The following SLC25A21 variants were observed in gnomAD, a reference collection of about 807,000 sequenced individuals.
SLC25A21 encodes mitochondrial 2-oxodicarboxylate carrier.
A neutral mutation model predicts 43.8 loss-of-function variants in SLC25A21; 47 were observed. The ratio of observed to expected loss-of-function variants is 1.07; its 90% CI spans 0.85 to 1.37. The LOEUF is 1.37. SLC25A21 is among the 40% of genes most tolerant of loss of function. The pLI, the probability that SLC25A21 is intolerant of heterozygous loss-of-function variation, is 0.00. For missense variants in SLC25A21, 352 were observed against 350.2 expected (o/e 1.00, Z -0.04); for synonymous variants, 131 against 121.3 (o/e 1.08, Z -0.52).
At chr14:36,848,238 A>G (rs556726634) in intron 2 of SLC25A21, among the ~76,000 whole-genome samples, 1 of 152,346 alleles carries the variant, frequency 6.6e-6, no homozygotes, top group Admixed American at 6.5e-5. Context: ...GAACCTATTC[A>G]TAAGGCACAA....
At chr14:36,849,870 T>C (rs1166651156) in intron 2 of SLC25A21, among the ~76,000 whole-genome samples, 3 of 152,186 alleles carry the variant, frequency 2.0e-5, no homozygotes, top group Non-Finnish European at 4.4e-5. Context: ...TTTACTTACT[T>C]TTAGTTACTC....
chr14:37,013,727 C>T (rs1960784244), intron 1 of SLC25A21, among the ~76,000 whole-genome samples: 1 of 152,070 alleles, frequency 6.6e-6, no homozygotes, highest in South Asian at 2.1e-4. Context: ...GGTGAGTAGG[C>T]CAGCGTTTAT....
intron 3 of SLC25A21, among the ~76,000 whole-genome samples, chr14:36,809,321 T>C (rs1888151636): frequency 1.3e-5 from 2 of 152,206 alleles, no homozygotes; most frequent in African/African-American, 4.8e-5. Flanking sequence ...AGTTCTCTCT[T>C]CTGTGTTACA....
chr14:36,731,082 C>T (rs1316418092), intron 4 of SLC25A21, among the ~76,000 whole-genome samples: 1 of 151,680 alleles, frequency 6.6e-6, no homozygotes, highest in Non-Finnish European at 1.5e-5. Flanking sequence ...ACGCCATTCT[C>T]CTGCCTCAGC....
chr14:36,855,146 T>C (rs1889860930), intron 2 of SLC25A21, among the ~76,000 whole-genome samples: 1 of 152,022 alleles, frequency 6.6e-6, no homozygotes. Flanking sequence ...TGGCATGCCA[T>C]GGCTTGGTAG....
At chr14:37,002,508 G>C (rs1286734283) in intron 1 of SLC25A21, among the ~76,000 whole-genome samples, 1 of 152,130 alleles carries the variant, frequency 6.6e-6, no homozygotes, top group Non-Finnish European at 1.5e-5. Context: ...TAAAGAAGGA[G>C]CACACGTTCT....
rs369985113 is a variant in SLC25A21 at position 36,967,917 on chromosome 14, A to G, written c.71-92913T>C. 2.0e-5 allele frequency among the ~76,000 whole-genome samples: 3 copies of G among 152,170 alleles called. No individual in the cohort carries two copies. In the East Asian group the frequency reaches 5.8e-4, roughly 29 times the overall value. ...AGAATGTGAAAAAGACATCCATCAA[A>G]TGGTCACCCAAACGAGTGCCACAAA... On this transcript the variant is annotated intron_variant, in intron 1 of 9. Coordinates refer to ENST00000331299, the MANE Select transcript of SLC25A21 (RefSeq NM_030631.4).
At chr14:37,113,779 G>C (rs902522256) in intron 1 of SLC25A21, among the ~76,000 whole-genome samples, 1 of 150,948 alleles carries the variant, frequency 6.6e-6, no homozygotes, top group African/African-American at 2.4e-5. Flanking sequence ...ACTTGAACCC[G>C]GGAGGTGGAG....
chr14:36,777,910 C>T (rs1475057254), intron 3 of SLC25A21, among the ~76,000 whole-genome samples: 2 of 152,220 alleles, frequency 1.3e-5, no homozygotes, highest in Non-Finnish European at 2.9e-5. Context: ...TCTATACTCA[C>T]TATACTGTCT....
intron 1 of SLC25A21, among the ~76,000 whole-genome samples, chr14:36,884,861 T>C (rs1890868542): frequency 6.6e-6 from 1 of 152,162 alleles, no homozygotes; most frequent in African/African-American, 2.4e-5. Flanking sequence ...CTTATATATT[T>C]TGAATATTAG....
intron 1 of SLC25A21, among the ~76,000 whole-genome samples, chr14:37,006,591 A>C (rs914558915): frequency 6.6e-6 from 1 of 152,256 alleles, no homozygotes; most frequent in African/African-American, 2.4e-5. Flanking sequence ...AGGGGCCTTA[A>C]AAATTTCATA....
At chr14:37,015,072 G>A (rs1266279995) in intron 1 of SLC25A21, among the ~76,000 whole-genome samples, 1 of 151,980 alleles carries the variant, frequency 6.6e-6, no homozygotes, top group Non-Finnish European at 1.5e-5. Context: ...TTAAGTATTA[G>A]GGTACATGTG....
intron 3 of SLC25A21, among the ~76,000 whole-genome samples, chr14:36,756,874 GA>G (rs1250510330): frequency 1.3e-5 from 2 of 152,162 alleles, no homozygotes; most frequent in African/African-American, 4.8e-5. Flanking sequence ...CACATTCTGA[GA>G]ACACTATTTC....
At chr14:36,681,420 T>C (rs547570481) in intron 9 of SLC25A21, among the ~76,000 whole-genome samples, 12 of 152,356 alleles carry the variant, frequency 7.9e-5, no homozygotes, top group African/African-American at 2.6e-4. Context: ...CTCTGTATTA[T>C]GTCAACAGGA....
intron 3 of SLC25A21, among the ~76,000 whole-genome samples, chr14:36,787,021 A>G (rs920138172): frequency 6.6e-6 from 1 of 152,214 alleles, no homozygotes; most frequent in Non-Finnish European, 1.5e-5. Context: ...TGCAGAAGCA[A>G]CACTGAGAGC....
At chr14:36,739,901 A>G (rs1485626969) in intron 3 of SLC25A21, among the ~76,000 whole-genome samples, 2 of 152,006 alleles carry the variant, frequency 1.3e-5, no homozygotes, top group African/African-American at 4.8e-5. Context: ...TTCTAGTGAG[A>G]GGGTTAGGCA....
At chr14:37,170,518 G>A (rs1197499487) in intron 1 of SLC25A21, among the ~76,000 whole-genome samples, 2 of 152,092 alleles carry the variant, frequency 1.3e-5, no homozygotes, top group African/African-American at 2.4e-5. Context: ...ACAAATCAAC[G>A]AGTCAGGTAC....
At chr14:37,066,560 T>C (rs182848058) in intron 1 of SLC25A21, among the ~76,000 whole-genome samples, 120 of 152,290 alleles carry the variant, frequency 7.9e-4, no homozygotes, top group African/African-American at 2.8e-3. Context: ...ATACTTGTAC[T>C]GTAGCTATAT....
chr14:36,811,804 A>G (rs1203214826), intron 3 of SLC25A21, among the ~76,000 whole-genome samples: 2 of 152,248 alleles, frequency 1.3e-5, no homozygotes, highest in African/African-American at 2.4e-5. Flanking sequence ...ACATTAAAAA[A>G]TTATCAGCTG....
Sources: gnomAD v4.1 joint callset for allele counts (sites outside exome capture counted in the v4.1 genomes callset) on GRCh38, gnomAD v4.1.1 for gene constraint, MANE v1.5 for transcripts, NCBI Gene and HGNC (gene_info 2026-07-23, HGNC 2026-07-21) for gene names.